IGSF3: variants seen among roughly 807,000 people sequenced by gnomAD.
The protein encoded by IGSF3 is glu-Trp-Ile EWI motif-containing protein 3.
Under a neutral mutation model 114.4 loss-of-function variants are expected in IGSF3, and 23 were observed. The observed-to-expected ratio is 0.20, with a 90% CI of 0.14 to 0.28. The LOEUF is 0.28. Among genes scored for constraint, IGSF3 ranks in the 10% least tolerant of loss-of-function variants. The pLI, the probability that IGSF3 is intolerant of heterozygous loss-of-function variation, is 1.00. For missense variants in IGSF3, 1,172 were observed against 1,591.5 expected, an observed-to-expected ratio of 0.74 and a Z score of 4.48; for synonymous variants, 571 against 645.2, an observed-to-expected ratio of 0.88 and a Z score of 1.74.
chr1:116,652,362 G>A (rs1375844215), intron 2 of IGSF3, among the ~76,000 whole-genome samples: 2 of 152,148 alleles, frequency 1.3e-5, no homozygotes. Context: ...CCTAGTTTGA[G>A]TTACAGTATT....
intron 4 of IGSF3, among the ~76,000 whole-genome samples, chr1:116,608,840 C>T (rs1386031532): frequency 1.3e-5 from 2 of 152,028 alleles, no homozygotes; most frequent in Non-Finnish European, 2.9e-5. Flanking sequence ...TCAAAGATGA[C>T]TATATTAAAA....
Position 116,593,145 on chromosome 1 carries a change from C to T in IGSF3, c.2030-4041G>A, listed in dbSNP as rs201144543. Among the ~76,000 whole-genome samples the T allele has an allele frequency of 6.6e-6, 1 of 152,334 alleles. No homozygotes were observed. Among genetic ancestry groups the T allele is most frequent in the African/African-American group, 2.4e-5 (1 of 41,570 alleles). On this transcript the variant is annotated intron_variant, in intron 7 of 10. Transcript: ENST00000369486. This position sits in a 1 kb window ranked among gnomAD's most constrained non-coding sequence, Gnocchi z 4.5. ...GACCACCTGTGGCCCTCAGGGTGCA[C>T]GCCATGGATCTGCAGATCAGCATCA...
intron 9 of IGSF3, among the ~76,000 whole-genome samples, chr1:116,581,059 CTTAAAT>C (rs773085962): frequency 9.2e-5 from 14 of 152,238 alleles, no homozygotes; most frequent in Non-Finnish European, 1.5e-4. Context: ...CATGCAGTAA[CTTAAAT>C]TTAAACTGTG....
intron 2 of IGSF3, among the ~76,000 whole-genome samples, chr1:116,660,420 C>T (rs1649061143): frequency 6.6e-6 from 1 of 152,000 alleles, no homozygotes; most frequent in Admixed American, 6.6e-5. Flanking sequence ...CCTGCTTCTG[C>T]CTCCCAAAGT....
Position 116,651,522 on chromosome 1 carries a change from T to C in IGSF3, c.43+14762A>G, listed in dbSNP as rs140817492. Among the ~76,000 whole-genome samples the C allele has an allele frequency of 6.8e-3, 1,043 of 152,338 alleles. 13 individuals carry two copies. Among genetic ancestry groups the C allele is most frequent in the African/African-American group, 0.024 (978 of 41,574 alleles). On this transcript the variant is annotated intron_variant, in intron 2 of 10. Coordinates refer to ENST00000369486, the MANE Select transcript of IGSF3 (RefSeq NM_001007237.3). This position sits in a 1 kb window ranked among gnomAD's most constrained non-coding sequence, Gnocchi z 4.4. ...TTTTAGAATTCCTTTTCAAATACCA[T>C]AGCTAGCATTTCTTTGGCTAGAGAA...
chr1:116,653,760 C>A (rs926681356), intron 2 of IGSF3, among the ~76,000 whole-genome samples: 50 of 152,302 alleles, frequency 3.3e-4, no homozygotes, highest in Non-Finnish European at 3.7e-4. Flanking sequence ...GGCCTAGAGG[C>A]ATATTAGTTC....
rs1188404473 is a variant in IGSF3 at position 116,655,294 on chromosome 1, C to A, written c.43+10990G>T. Among the ~76,000 whole-genome samples, 1 of 152,242 alleles carries A rather than the reference C, an allele frequency of 6.6e-6. No homozygotes were observed. Among genetic ancestry groups the A allele is most frequent in the Admixed American group, 6.5e-5 (1 of 15,290 alleles). On this transcript the variant is annotated intron_variant, in intron 2 of 10. Transcript: ENST00000369486. The surrounding 1 kb of genome is among the most constrained non-coding windows in gnomAD (Gnocchi z 4.3). ...GATTCTACTAGAACAGGGGCTACCC[C>A]CAGAGGTCTCAGGACAAGGGATAGA...
chr1:116,621,726 A>G (rs535269313), intron 2 of IGSF3, among the ~76,000 whole-genome samples: 12 of 152,340 alleles, frequency 7.9e-5, no homozygotes, highest in African/African-American at 2.9e-4. Context: ...AAACTTCAAA[A>G]GATTCTCAAA....
Position 116,584,695 on chromosome 1 carries a change from T to C in IGSF3, c.2798A>G (p.Lys933Arg), listed in dbSNP as rs1413400054. Residue 933 changes from lysine (K) to arginine (R), a missense_variant, in exon 9 of 11, where the codon AAG (lysine) becomes AGG (arginine). Lys to Arg is a conservative substitution (Grantham distance 26). Around this residue, in one of 3 missense-constraint regions of IGSF3, gnomAD observed 423 missense variants for 509.8 expected, o/e 0.83. Coordinates refer to ENST00000369486, the MANE Select transcript of IGSF3 (RefSeq NM_001007237.3). The surrounding 1 kb of genome is among the most constrained non-coding windows in gnomAD (Gnocchi z 5.8). The stretch of plus-strand genomic sequence containing the variant: ...CTGCCCAGCGGTGTCCTCTGCCCGC[T>C]TATACCACATGCCACTGGGGCTGGG... The part of the protein sequence containing the change: ...WLPSPSGMWY[K>R]RAEDTAGQTA... The C allele has an allele frequency of 1.2e-6, 2 of 1,614,048 alleles. No homozygotes were observed. The highest frequency in any genetic ancestry group is 3.3e-5 in the Admixed American group (2 of 60,030).
Position 116,657,957 on chromosome 1 carries a change from C to T in IGSF3, c.43+8327G>A, listed in dbSNP as rs559027729. Among the ~76,000 whole-genome samples, 19 of 150,776 alleles carry T rather than the reference C, an allele frequency of 1.3e-4. No individual in the cohort carries two copies. Among genetic ancestry groups the T allele is most frequent in the South Asian group, 1.1e-3 (5 of 4,758 alleles). On this transcript the variant is annotated intron_variant, in intron 2 of 10. Coordinates refer to ENST00000369486, the MANE Select transcript of IGSF3 (RefSeq NM_001007237.3). This position sits in a 1 kb window ranked among gnomAD's most constrained non-coding sequence, Gnocchi z 4.2. ...GAAGGCCTGGACACCTGAAAGTTGA[C>T]GGGAAGCAGGCATTACTCATTTCTC...
rs2101288805 is a variant in IGSF3 at position 116,579,306 on chromosome 1, A to G, written c.3334+86T>C. 1 of 1,484,254 alleles carries G rather than the reference A, an allele frequency of 6.7e-7. No homozygotes were observed. Among genetic ancestry groups the G allele is most frequent in the Non-Finnish European group, 9.0e-7 (1 of 1,107,688 alleles). The allele number at this position is 1,484,254 out of a possible 1,614,324, so 91.9% of individuals were successfully genotyped here. A position where few individuals can be genotyped will look rare whatever the true frequency, so the allele number is the denominator to read the frequency against. ...CCCATGACAGTTAAGAAAACTGTTT[A>G]TTAACCCATAATCAAGCTCAAATTT... On this transcript the variant is annotated intron_variant, in intron 10 of 10. Coordinates refer to ENST00000369486, the MANE Select transcript of IGSF3 (RefSeq NM_001007237.3). This position sits in a 1 kb window ranked among gnomAD's most constrained non-coding sequence, Gnocchi z 6.4.
chr1:116,599,388 A>C (rs1660474595), intron 7 of IGSF3, among the ~76,000 whole-genome samples: 1 of 119,328 alleles, frequency 8.4e-6, no homozygotes, highest in African/African-American at 4.3e-5. Flanking sequence ...AGACACATAC[A>C]TATACACACA....
Position 116,658,283 on chromosome 1 carries a change from A to G in IGSF3, c.43+8001T>C, listed in dbSNP as rs192154931. Among the ~76,000 whole-genome samples, 69 of 151,630 alleles carry G rather than the reference A, an allele frequency of 4.6e-4. 1 individual carries two copies. The highest frequency in any genetic ancestry group is 1.6e-3 in the African/African-American group (66 of 41,296). On this transcript the variant is annotated intron_variant, in intron 2 of 10. Transcript: ENST00000369486. Reference sequence around the variant, plus strand: ...TTGAACTCTTGACCTCAAGCGATCCACCCGCCTCGGCCTCCCAAAGTGCTG... The same window carrying G: ...TTGAACTCTTGACCTCAAGCGATCCGCCCGCCTCGGCCTCCCAAAGTGCTG...
Position 116,666,761 on chromosome 1 carries a change from GGGCA to G in IGSF3, c.-439_-436del. 2.4e-6 allele frequency: 1 copy of G among 425,246 alleles called. No homozygotes were observed. The highest frequency in any genetic ancestry group is 6.1e-4 in the Middle Eastern group (1 of 1,652). The allele number at this position is 425,246 out of a possible 1,614,324, so 26.3% of individuals were successfully genotyped here. On this transcript the variant is annotated 5_prime_UTR_variant, in exon 2 of 11. An upstream open reading frame in the 5' UTR loses its in-frame stop. Coordinates refer to ENST00000369486, the MANE Select transcript of IGSF3 (RefSeq NM_001007237.3). ...TCATTCGGATTCCCCAGAGAGAACAGGGCAGGTTTCGTCAAAACCTTTGACGGCC... is the reference window on the plus strand; with the variant it reads ...TCATTCGGATTCCCCAGAGAGAACAGGGTTTCGTCAAAACCTTTGACGGCC...
intron 9 of IGSF3, among the ~76,000 whole-genome samples, 171 bp from the exon 10 acceptor site, chr1:116,580,048 T>C (rs2101298397): frequency 6.6e-6 from 1 of 152,194 alleles, no homozygotes; most frequent in South Asian, 2.1e-4. Flanking sequence ...CCAAGAAAAA[T>C]TGTTAAGAGT....
At position 116,579,230 on chromosome 1, in the gene IGSF3, T is replaced by C. The variant is rs532438232; in HGVS notation, c.3334+162A>G. Among the ~76,000 whole-genome samples the C allele has an allele frequency of 5.9e-5, 9 of 152,320 alleles. No individual in the cohort carries two copies. The South Asian group carries it at 6.2e-4, about 11-fold the overall frequency. On this transcript the variant is annotated intron_variant, in intron 10 of 10. Transcript: ENST00000369486. This position sits in a 1 kb window ranked among gnomAD's most constrained non-coding sequence, Gnocchi z 6.4. ...TGCATGGGTAATCAAGGGTCAATTA[T>C]ATGAACTAATATGTCCAATCCCACC...
Position 116,640,174 on chromosome 1 carries a change from C to A in IGSF3, c.44-23717G>T, listed in dbSNP as rs377018799. ...AAATGACATCACATGACAACAGCAG[C>A]CATTGCAAGTTTATCAGAAGATGGA... is the stretch of plus-strand genomic sequence containing the variant. On this transcript the variant is annotated intron_variant, in intron 2 of 10. Coordinates refer to ENST00000369486, the MANE Select transcript of IGSF3 (RefSeq NM_001007237.3). Among the ~76,000 whole-genome samples, 39 of 152,232 alleles carry A rather than the reference C, an allele frequency of 2.6e-4. No individual in the cohort carries two copies. In the South Asian group the frequency reaches 7.9e-3, roughly 31 times the overall value.
At chr1:116,635,405 C>T (rs909040995) in intron 2 of IGSF3, among the ~76,000 whole-genome samples, 5 of 152,268 alleles carry the variant, frequency 3.3e-5, no homozygotes, top group Admixed American at 1.3e-4. Flanking sequence ...CTTAATATGA[C>T]CCTCACCCAT....
rs1660535077 is a variant in IGSF3, at chr1:116,600,462, C to T, written c.1625-117G>A. On this transcript the variant is annotated intron_variant, in intron 6 of 10. Coordinates refer to ENST00000369486, the MANE Select transcript of IGSF3 (RefSeq NM_001007237.3). The surrounding 1 kb of genome is among the most constrained non-coding windows in gnomAD (Gnocchi z 5.5). ...CAGTGTGGGACAGAGGCTCTCGGAG[C>T]CCCTTTTGAGCTCTCAGGCTAGTGT... 6 of 806,464 alleles carry T rather than the reference C, an allele frequency of 7.4e-6. No individual in the cohort carries two copies. The highest frequency in any genetic ancestry group is 5.3e-5 in the South Asian group (3 of 57,048). 50.0% of individuals were successfully genotyped at this position (806,464 alleles called of 1,614,324 possible). A position where few individuals can be genotyped will look rare whatever the true frequency, so the allele number is the denominator to read the frequency against.
Sources: gnomAD v4.1 joint callset for allele counts (sites outside exome capture counted in the v4.1 genomes callset) on GRCh38, gnomAD v4.1.1 for gene constraint, gnomAD v4.1.1 regional missense constraint, Gnocchi (gnomAD v3.1) non-coding constraint, MANE v1.5 for transcripts, NCBI Gene and HGNC (gene_info 2026-07-23, HGNC 2026-07-21) for gene names.